ROBO2: variants seen among roughly 807,000 people sequenced by gnomAD.
ROBO2 encodes roundabout homolog 2.
A neutral mutation model predicts 160.8 loss-of-function variants in ROBO2; 53 were observed. That is an observed-to-expected ratio of 0.33 (90% confidence interval 0.26 to 0.41). The LOEUF (loss-of-function observed/expected upper bound fraction) is 0.41, where lower values mean the gene tolerates loss of function less well. Among genes scored for constraint, ROBO2 ranks in the 10% least tolerant of loss-of-function variants. The probability of loss-of-function intolerance (pLI) is 1.00; values close to 1 mark genes in which losing one functional copy is unlikely to be tolerated. For missense variants in ROBO2, 1,577 were observed against 1,722.4 expected (o/e 0.92, Z 1.49); for synonymous variants, 664 against 611.7 (o/e 1.09, Z -1.26).
intron 2 of ROBO2, among the ~76,000 whole-genome samples, chr3:76,869,020 G>C (rs2071687375): frequency 6.6e-6 from 1 of 152,070 alleles, no homozygotes; most frequent in Admixed American, 6.6e-5. Context: ...ACATCATTCT[G>C]TGCATTTTTT....
intron 2 of ROBO2, among the ~76,000 whole-genome samples, chr3:76,766,435 A>G (rs1340910810): frequency 6.6e-6 from 1 of 151,700 alleles, no homozygotes; most frequent in African/African-American, 2.4e-5. Flanking sequence ...GTGTTGCTGT[A>G]AAGTGTAAAT....
chr3:76,640,947 C>G (rs1269946609), intron 2 of ROBO2, among the ~76,000 whole-genome samples: 1 of 152,080 alleles, frequency 6.6e-6, no homozygotes, highest in African/African-American at 2.4e-5. Flanking sequence ...GGATTATGCC[C>G]ATAGAATAAA....
intron 2 of ROBO2, among the ~76,000 whole-genome samples, chr3:76,668,936 G>T (rs17014493): frequency 6.6e-6 from 1 of 152,078 alleles, no homozygotes; most frequent in Non-Finnish European, 1.5e-5. Flanking sequence ...GAGGGCAACC[G>T]GAAAATCTGC....
At chr3:77,213,852 G>T (rs559721403) in intron 2 of ROBO2, among the ~76,000 whole-genome samples, 1 of 152,228 alleles carries the variant, frequency 6.6e-6, no homozygotes, top group African/African-American at 2.4e-5. Context: ...TAGTCATTCA[G>T]GAGCAGGTTG....
At chr3:76,074,172 C>A (rs893147512) in intron 2 of ROBO2, among the ~76,000 whole-genome samples, 2 of 151,438 alleles carry the variant, frequency 1.3e-5, no homozygotes, top group African/African-American at 4.9e-5. Flanking sequence ...CCTTCAGTTT[C>A]ATCAGATAAT....
chr3:76,020,932 A>G (rs945586903), intron 2 of ROBO2, among the ~76,000 whole-genome samples: 1 of 151,830 alleles, frequency 6.6e-6, no homozygotes, highest in African/African-American at 2.4e-5. Context: ...ATGTGAGAGG[A>G]GTACAAATAC....
At chr3:77,243,538 C>G (rs2089321469) in intron 2 of ROBO2, among the ~76,000 whole-genome samples, 1 of 152,088 alleles carries the variant, frequency 6.6e-6, no homozygotes, top group African/African-American at 2.4e-5. Context: ...AATAGGGTGA[C>G]TATTCTGGAC....
intron 24 of ROBO2, among the ~76,000 whole-genome samples, chr3:77,638,351 A>T (rs149122043): frequency 6.6e-6 from 1 of 152,348 alleles, no homozygotes; most frequent in East Asian, 1.9e-4. Flanking sequence ...GTAAAGATGT[A>T]GGCCTTTTTA....
rs376509315 is a variant in ROBO2 at position 76,070,280 on chromosome 3, TG to T, written c.109+132680del. On this transcript the variant is annotated intron_variant, in intron 2 of 26. Transcript: ENST00000487694. The stretch of plus-strand genomic sequence containing the variant: ...TATCACTGAATTCTTTTTCTCAGCA[TG>T]GAACATCCTTGAGAAAGAGTATGCG... Among the ~76,000 whole-genome samples the T allele has an allele frequency of 2.0e-4, 31 of 152,292 alleles. No homozygotes were observed. In the East Asian group the frequency reaches 2.7e-3, roughly 13 times the overall value.
At chr3:76,361,531 C>T (rs1426092419) in intron 2 of ROBO2, among the ~76,000 whole-genome samples, 1 of 151,776 alleles carries the variant, frequency 6.6e-6, no homozygotes, top group Admixed American at 6.6e-5. Flanking sequence ...TTTTTGAGAG[C>T]AAAAACTTTT....
chr3:76,733,313 A>C (rs2093664038), intron 2 of ROBO2, among the ~76,000 whole-genome samples: 1 of 152,228 alleles, frequency 6.6e-6, no homozygotes, highest in Non-Finnish European at 1.5e-5. Flanking sequence ...TCACACAGTT[A>C]CCATTTCCCT....
At chr3:76,677,865 T>C (rs929596516) in intron 2 of ROBO2, among the ~76,000 whole-genome samples, 12 of 151,848 alleles carry the variant, frequency 7.9e-5, no homozygotes, top group African/African-American at 2.7e-4. Context: ...CCCAGGGTTA[T>C]GTCTCTGCTG....
At chr3:77,082,400 C>T (rs1428654019) in intron 1 of ROBO2, among the ~76,000 whole-genome samples, 1 of 152,076 alleles carries the variant, frequency 6.6e-6, no homozygotes, top group African/African-American at 2.4e-5. Flanking sequence ...CTGGCAAAGT[C>T]ATGGATTATG....
Position 77,097,609 on chromosome 3 carries a change from A to G in ROBO2, c.62-405A>G, listed in dbSNP as rs188197560. 1.7e-3 allele frequency among the ~76,000 whole-genome samples: 258 copies of G among 152,276 alleles called. 1 individual carries two copies. In the Middle Eastern group the frequency reaches 0.02, roughly 12 times the overall value. ...GTTAGTCTGATAACATATTGGCAGC[A>G]CATTAAATGCTATCTATGTGTGTCT... is the stretch of plus-strand genomic sequence containing the variant. On this transcript the variant is annotated intron_variant, in intron 1 of 25. Coordinates refer to ENST00000461745, the Ensembl canonical transcript of ROBO2.
intron 2 of ROBO2, among the ~76,000 whole-genome samples, chr3:76,406,580 A>C (rs2078137035): frequency 6.6e-6 from 1 of 151,808 alleles, no homozygotes; most frequent in African/African-American, 2.4e-5. Context: ...CATTTTTTAC[A>C]ATTAGGGCAC....
chr3:77,309,646 T>A (rs2063377521), intron 2 of ROBO2, among the ~76,000 whole-genome samples: 1 of 152,208 alleles, frequency 6.6e-6, no homozygotes, highest in Admixed American at 6.5e-5. Context: ...CTGGTCCAGG[T>A]TTTTAGCTCT....
chr3:75,937,220 G>C (rs1947823272), intron 1 of ROBO2, among the ~76,000 whole-genome samples: 1 of 152,000 alleles, frequency 6.6e-6, no homozygotes, highest in African/African-American at 2.4e-5. Context: ...AACATTCATG[G>C]TTAAATGGCC....
chr3:77,162,443 C>T (rs530241738), intron 2 of ROBO2, among the ~76,000 whole-genome samples: 4 of 152,270 alleles, frequency 2.6e-5, no homozygotes, highest in South Asian at 4.1e-4. Flanking sequence ...AAAGAATTAC[C>T]GTTGTCTTCT....
At chr3:76,531,164 A>C (rs1345609385) in intron 2 of ROBO2, among the ~76,000 whole-genome samples, 1 of 152,202 alleles carries the variant, frequency 6.6e-6, no homozygotes, top group African/African-American at 2.4e-5. Context: ...AGAACTTCCT[A>C]AGTTGAGACA....
Sources: gnomAD v4.1 joint callset for allele counts (sites outside exome capture counted in the v4.1 genomes callset) on GRCh38, gnomAD v4.1.1 for gene constraint, MANE v1.5 for transcripts, NCBI Gene and HGNC (gene_info 2026-07-23, HGNC 2026-07-21) for gene names.